P2RX1: variants seen among roughly 807,000 people sequenced by gnomAD.
The protein encoded by P2RX1 is purinergic receptor P2X 1.
P2RX1 carries 42 observed loss-of-function variants against 50.3 expected under a neutral mutation model. The observed-to-expected ratio is 0.83, with a 90% confidence interval of 0.65 to 1.08. The LOEUF is 1.08. Ranked by LOEUF, P2RX1 falls within the 50% of genes least tolerant of loss-of-function variation. The pLI, the probability that P2RX1 is intolerant of heterozygous loss-of-function variation, is 0.00. For missense variants in P2RX1, 449 were observed against 529.0 expected, an observed-to-expected ratio of 0.85 and a Z score of 1.48; for synonymous variants, 199 against 202.6, an observed-to-expected ratio of 0.98 and a Z score of 0.15.
chr17:3,909,673 G>T (rs1395288721), intron 1 of P2RX1, among the ~76,000 whole-genome samples: 3 of 152,084 alleles, frequency 2.0e-5, no homozygotes, highest in African/African-American at 7.2e-5. Flanking sequence ...ATAGTAACAC[G>T]CTGTCTCTAC....
intron 1 of P2RX1, 132 bp from the exon 2 acceptor site, chr17:3,905,499 G>T: frequency 9.7e-7 from 1 of 1,028,654 alleles, no homozygotes; most frequent in Non-Finnish European, 1.4e-6. Flanking sequence ...TGGGCTAGAG[G>T]CAGGACAGCC....
rs1186950497 is a variant in P2RX1, at chr17:3,897,609, C to A, written c.*205G>T. 2.6e-5 allele frequency: 16 copies of A among 624,946 alleles called. No homozygotes were observed. In the Admixed American group the frequency reaches 3.8e-4, roughly 15 times the overall value. 38.7% of individuals were successfully genotyped at this position (624,946 alleles called of 1,614,324 possible). A position where few individuals can be genotyped will look rare whatever the true frequency, so the allele number is the denominator to read the frequency against. On this transcript the variant is annotated 3_prime_UTR_variant, in exon 12 of 12. Transcript: ENST00000225538. Reference sequence around the variant, plus strand: ...GAGCGGCTGAGGCTAGGGTAGGGCTCCCTCAGGGTGTGTGGGGTCGGAGCC... The same window carrying A: ...GAGCGGCTGAGGCTAGGGTAGGGCTACCTCAGGGTGTGTGGGGTCGGAGCC...
chr17:3,898,353 G>A (rs1397900773), intron 10 of P2RX1, 131 bp downstream of exon 10: 1 of 807,174 alleles, frequency 1.2e-6, no homozygotes, highest in African/African-American at 1.7e-5. Context: ...TTGGTGGGGT[G>A]GGCAGCTGCT....
rs1197521634 is a variant in P2RX1 at position 3,905,051 on chromosome 17, C to T, written c.286-122G>A. ...CACAGGACACGCAGCAGCCACCACA[C>T]CCCCTGCCACCAACATGGGGTGATA... is the stretch of plus-strand genomic sequence containing the variant. On this transcript the variant is annotated intron_variant, in intron 2 of 11. Transcript: ENST00000225538. 4.4e-6 allele frequency: 5 copies of T among 1,128,900 alleles called. No individual in the cohort carries two copies. The African/African-American group carries it at 7.7e-5, about 17-fold the overall frequency. 69.9% of individuals were successfully genotyped at this position (1,128,900 alleles called of 1,614,324 possible).
At chr17:3,909,501 C>T (rs2056326392) in intron 1 of P2RX1, among the ~76,000 whole-genome samples, 1 of 152,194 alleles carries the variant, frequency 6.6e-6, no homozygotes, top group Admixed American at 6.5e-5. Flanking sequence ...CCCCAGAATT[C>T]TATCTCCAGA....
In P2RX1 at chr17:3,914,052, G is replaced by A. The variant is rs77266896; in HGVS notation, c.137+2037C>T. Among the ~76,000 whole-genome samples, 1,590 of 152,288 alleles carry A rather than the reference G, an allele frequency of 0.01. 16 individuals carry two copies. Among genetic ancestry groups the A allele is most frequent in the Middle Eastern group, 0.031 (9 of 294 alleles). On this transcript the variant is annotated intron_variant, in intron 1 of 11. Transcript: ENST00000225538. The surrounding 1 kb of genome is among the most constrained non-coding windows in gnomAD (Gnocchi z 4.1). Reference sequence around the variant, plus strand: ...GACAGCAGGCACCACAGCCTGAGCAGGAGCTGGAAGCCTGGGCCTGCAGCC... The same window carrying A: ...GACAGCAGGCACCACAGCCTGAGCAAGAGCTGGAAGCCTGGGCCTGCAGCC...
In P2RX1 at chr17:3,898,530, A is replaced by T. The variant is rs765289443; in HGVS notation, c.986T>A (p.Ile329Asn). The change falls in exon 10 of 12, where the codon ATC (isoleucine) becomes AAC (asparagine). Residue 329 changes from isoleucine (I) to asparagine (N), a missense_variant. By Grantham distance (149) the Ile-to-Asn change is moderately radical. Transcript: ENST00000225538. The stretch of plus-strand genomic sequence containing the variant: ...AGAGCCGATGGTGGTCATTGTAGGG[A>T]TGATGTCAAACTTCCCGGCCTGGTG... ...VDGKAGKFDI[I>N]PTMTTIGSGI... 2.0e-5 allele frequency: 32 copies of T among 1,613,798 alleles called. No individual in the cohort carries two copies. Among genetic ancestry groups the T allele is most frequent in the Non-Finnish European group, 2.6e-5 (31 of 1,179,886 alleles).
At chr17:3,907,873 C>T (rs187200348) in intron 1 of P2RX1, among the ~76,000 whole-genome samples, 2 of 151,742 alleles carry the variant, frequency 1.3e-5, no homozygotes, top group Non-Finnish European at 2.9e-5. Flanking sequence ...GGAGCTGATG[C>T]AGGGGGGAGG....
chr17:3,904,194 C>T, intron 4 of P2RX1, 136 bp downstream of exon 4: 4 of 1,021,316 alleles, frequency 3.9e-6, no homozygotes, highest in Middle Eastern at 2.8e-4. Context: ...GGGGAGACGG[C>T]AGGAGGGAGT....
intron 1 of P2RX1, among the ~76,000 whole-genome samples, chr17:3,906,256 T>C (rs957471449): frequency 8.5e-5 from 13 of 152,118 alleles, no homozygotes; most frequent in Admixed American, 7.9e-4. Flanking sequence ...CTCAGCCTCC[T>C]GAGTAGCTGG....
Position 3,903,972 on chromosome 17 carries a change from C to G in P2RX1, c.480G>C (p.Glu160Asp), listed in dbSNP as rs764166875. ...CCTCCACGGGGCACCAGCCAAAGAT[C>G]TCACACGTCTTCACAGTGTCGTTGA... ...VAFNDTVKTC[E>D]IFGWCPVEVD... Residue 160 changes from glutamate to aspartate, a missense_variant, in exon 5 of 12, where the codon GAG (glutamate) becomes GAC (aspartate). By Grantham distance (45) the Glu-to-Asp change is conservative. Transcript: ENST00000225538. This position sits in a 1 kb window ranked among gnomAD's most constrained non-coding sequence, Gnocchi z 4.6. 6 of 1,614,152 alleles carry G rather than the reference C, an allele frequency of 3.7e-6. No homozygotes were observed. The highest frequency in any genetic ancestry group is 5.1e-6 in the Non-Finnish European group (6 of 1,180,002).
intron 8 of P2RX1, 68 bp from the exon 9 acceptor site, chr17:3,899,092 C>G: frequency 9.3e-7 from 1 of 1,075,498 alleles, no homozygotes; most frequent in Non-Finnish European, 1.4e-6. Flanking sequence ...GTTCTTAGCG[C>G]ATCAGGGATA....
At chr17:3,898,246 G>A in intron 10 of P2RX1, 136 bp from the exon 11 acceptor site, 1 of 823,414 alleles carries the variant, frequency 1.2e-6, no homozygotes, top group South Asian at 1.4e-5. Context: ...CCTGGAGGGT[G>A]GATGAGGCCC....
At position 3,905,209 on chromosome 17, in the gene P2RX1, A is replaced by G. The variant is rs771585131; in HGVS notation, c.285+11T>C. ...CCTGTGAGGGGAAGGTGCAAACCTG[A>G]GCCAGCTCACCTGGGCTGGGAAGAC... On this transcript the variant is annotated intron_variant, in intron 2 of 11. Transcript: ENST00000225538. 2 of 1,611,928 alleles carry G rather than the reference A, an allele frequency of 1.2e-6. No homozygotes were observed. Among genetic ancestry groups the G allele is most frequent in the Non-Finnish European group, 1.7e-6 (2 of 1,179,500 alleles).
At chr17:3,904,774 C>A in intron 3 of P2RX1, 84 bp downstream of exon 3, 2 of 1,069,246 alleles carry the variant, frequency 1.9e-6, no homozygotes, top group South Asian at 1.3e-5. Flanking sequence ...CTCTGGCTTC[C>A]CCTCCAGTGC....
At position 3,905,222 on chromosome 17, in the gene P2RX1, G is replaced by T. The variant is rs760207872; in HGVS notation, c.283C>A (p.Gln95Lys). ...GGTGCAAACCTGAGCCAGCTCACCT[G>T]GGCTGGGAAGACGTAGTCAGCCACA... ...WDVADYVFPAQGDNSFVVMTN... is the reference protein window; with the variant it reads ...WDVADYVFPAKGDNSFVVMTN... The change falls in exon 2 of 12, where the codon CAG (glutamine) becomes AAG (lysine). Residue 95 changes from glutamine (Q) to lysine (K), a missense_variant and splice_region_variant. Transcript: ENST00000225538. 1.9e-6 allele frequency: 3 copies of T among 1,612,792 alleles called. No individual in the cohort carries two copies. In the South Asian group the frequency reaches 3.3e-5, roughly 18 times the overall value.
Position 3,897,853 on chromosome 17 carries a change from G to A in P2RX1, c.1161C>T (p.Ser387=), listed in dbSNP as rs762152105. Residue 387 remains serine, a synonymous_variant, in exon 12 of 12, where the codon AGC becomes AGT. Transcript: ENST00000225538. ...TGTTCTCCTGCAGGCCCAGGGTGGA[G>A]CTGGTAGCTGCGAGGTCACGCTCAG... ...GAAERDLAAT[S]STLGLQENMR... The A allele has an allele frequency of 7.4e-5, 120 of 1,613,666 alleles. No homozygotes were observed. Among genetic ancestry groups the A allele is most frequent in the Non-Finnish European group, 9.7e-5 (114 of 1,180,024 alleles).
chr17:3,899,633 C>A lies in P2RX1; in HGVS notation c.875+1G>T. On this transcript the variant is annotated splice_donor_variant, in intron 8 of 11. Coordinates refer to ENST00000225538, the MANE Select transcript of P2RX1 (RefSeq NM_002558.4). LOFTEE classifies it high-confidence loss of function. ...TGTGCTGCTGGGGGCCTGGCAGACA[C>A]CTGAAGTTGAAGCCTGGGGAGAGAT... is the stretch of plus-strand genomic sequence containing the variant. The A allele has an allele frequency of 1.2e-6, 2 of 1,613,078 alleles. No homozygotes were observed. Among genetic ancestry groups the A allele is most frequent in the South Asian group, 2.2e-5 (2 of 91,070 alleles).
intron 8 of P2RX1, among the ~76,000 whole-genome samples, 158 bp downstream of exon 8, chr17:3,899,476 C>T (rs190205788): frequency 6.6e-6 from 1 of 151,686 alleles, no homozygotes; most frequent in Non-Finnish European, 1.5e-5. Flanking sequence ...ATATCTTTCT[C>T]CCTGCTGGCT....
Sources: allele counts gnomAD v4.1 joint callset (sites outside exome capture counted in the v4.1 genomes callset), GRCh38; gene constraint gnomAD v4.1.1; non-coding constraint Gnocchi (gnomAD v3.1); transcripts MANE v1.5; gene names NCBI Gene and HGNC (gene_info 2026-07-23, HGNC 2026-07-21).